COG3: variants seen among roughly 807,000 people sequenced by gnomAD.
COG3 encodes the protein conserved oligomeric Golgi complex subunit 3.
Under a neutral mutation model 114.1 loss-of-function variants are expected in COG3, and 32 were observed. That is an observed-to-expected ratio of 0.28 (90% CI 0.21 to 0.38). The LOEUF is 0.38. Ranked by LOEUF, COG3 falls within the 10% of genes least tolerant of loss-of-function variation. The pLI is 1.00. For synonymous variants in COG3, 352 were observed against 365.7 expected (o/e 0.96, Z 0.43); for missense variants, 813 against 973.2 (o/e 0.84, Z 2.19).
chr13:45,509,191 C>A (rs1422394720), intron 14 of COG3, among the ~76,000 whole-genome samples: 1 of 152,140 alleles, frequency 6.6e-6, no homozygotes, highest in Admixed American at 6.5e-5. Flanking sequence ...AGGCACACGC[C>A]ACCACGCCTG....
intron 4 of COG3, 33 bp downstream of exon 4, chr13:45,480,323 A>G (rs779797162): frequency 1.9e-5 from 26 of 1,398,402 alleles, no homozygotes; most frequent in Middle Eastern, 3.9e-4. Flanking sequence ...ATCAGTCATT[A>G]TATTTAATAT....
intron 1 of COG3, among the ~76,000 whole-genome samples, chr13:45,472,758 C>G (rs1257838534): frequency 5.3e-5 from 8 of 152,184 alleles, no homozygotes; most frequent in African/African-American, 1.7e-4. Flanking sequence ...GTGTGTTACA[C>G]CAGAGCCTTT....
At chr13:45,475,190 A>G (rs1310898945) in intron 1 of COG3, among the ~76,000 whole-genome samples, 1 of 152,048 alleles carries the variant, frequency 6.6e-6, no homozygotes, top group Non-Finnish European at 1.5e-5. Context: ...TTTCTAATCA[A>G]TTCTTGGGTG....
chr13:45,487,649 T>G (rs1593696007), intron 8 of COG3, among the ~76,000 whole-genome samples: 1 of 152,284 alleles, frequency 6.6e-6, no homozygotes, highest in East Asian at 1.9e-4. Context: ...TCAACATCAC[T>G]AATCAGCAGG....
At chr13:45,527,977 A>G (rs770235346) in intron 20 of COG3, among the ~76,000 whole-genome samples, 4 of 152,204 alleles carry the variant, frequency 2.6e-5, no homozygotes, top group Non-Finnish European at 5.9e-5. Context: ...CTGCATTCCC[A>G]GGAGGTTAGG....
At chr13:45,528,545 A>T (rs1201296381) in intron 20 of COG3, among the ~76,000 whole-genome samples, 1 of 152,252 alleles carries the variant, frequency 6.6e-6, no homozygotes, top group Non-Finnish European at 1.5e-5. Flanking sequence ...AAAAGTAATT[A>T]TATTTTCTAC....
intron 1 of COG3, among the ~76,000 whole-genome samples, chr13:45,469,812 A>G (rs922719267): frequency 6.6e-6 from 1 of 152,156 alleles, no homozygotes; most frequent in Non-Finnish European, 1.5e-5. Flanking sequence ...GATGATTTGG[A>G]TTAAAAACAA....
chr13:45,496,730 G>A (rs1347339126), intron 13 of COG3, among the ~76,000 whole-genome samples: 1 of 152,110 alleles, frequency 6.6e-6, no homozygotes, highest in African/African-American at 2.4e-5. Context: ...CTGGAGTACA[G>A]TGGTGTGATC....
Position 45,480,238 on chromosome 13 carries a change from C to A in COG3, c.497C>A (p.Ser166Tyr), listed in dbSNP as rs376780940. The A allele has an allele frequency of 2.0e-5, 33 of 1,613,076 alleles. No individual in the cohort carries two copies. Among genetic ancestry groups the A allele is most frequent in the Non-Finnish European group, 2.6e-5 (31 of 1,179,376 alleles). Residue 166 changes from serine to tyrosine, a missense_variant, in exon 4 of 23, where the codon TCC (serine) becomes TAC (tyrosine). Physicochemically the swap from Ser to Tyr is moderately radical, Grantham distance 144. This residue lies in a region of COG3 where 424 missense variants were observed against 430.6 expected (regional missense o/e 0.98). Transcript: ENST00000349995. ...ESLQKQYLFV[S>Y]NKTGTLHEAC... ...TTGCAGAAACAGTATCTTTTTGTGT[C>A]CAATAAGACAGGAACCCTACATGAA... is the stretch of plus-strand genomic sequence containing the variant.
At chr13:45,532,139 T>G (rs1056674947) in intron 22 of COG3, 1 of 152,192 alleles carries the variant, frequency 6.6e-6, no homozygotes, top group African/African-American at 2.4e-5. Flanking sequence ...GCTTGTTTCA[T>G]TCACCTAGCA....
At chr13:45,511,462 G>A (rs564425552) in intron 15 of COG3, among the ~76,000 whole-genome samples, 2 of 152,334 alleles carry the variant, frequency 1.3e-5, no homozygotes, top group Admixed American at 6.5e-5. Flanking sequence ...TGGAGCGAAG[G>A]CTCCGTGAGG....
intron 10 of COG3, among the ~76,000 whole-genome samples, chr13:45,491,878 T>TA (rs149446693): frequency 2.0e-5 from 3 of 152,258 alleles, no homozygotes; most frequent in Non-Finnish European, 4.4e-5. Context: ...TTTTTTACTA[T>TA]AAAAAATGCA....
At chr13:45,511,658 A>C (rs1195484906) in intron 15 of COG3, 107 bp from the exon 16 acceptor site, 1 of 799,642 alleles carries the variant, frequency 1.3e-6, no homozygotes, top group African/African-American at 1.7e-5. Flanking sequence ...AATTAATCCA[A>C]CCATGAGGGC....
At chr13:45,483,387 GTTA>G (rs758039457) in intron 7 of COG3, 32 bp downstream of exon 7, 13 of 1,497,562 alleles carry the variant, frequency 8.7e-6, no homozygotes, top group African/African-American at 2.8e-5. Context: ...ACAGGTTTTT[GTTA>G]TTGTTGTTGT....
At chr13:45,489,495 T>C (rs1322724784) in intron 8 of COG3, among the ~76,000 whole-genome samples, 2 of 152,124 alleles carry the variant, frequency 1.3e-5, no homozygotes, top group Non-Finnish European at 2.9e-5. Context: ...AGAAAAGGTA[T>C]AGATAAGAGG....
At chr13:45,477,073 C>G (rs954336804) in intron 2 of COG3, among the ~76,000 whole-genome samples, 4 of 152,130 alleles carry the variant, frequency 2.6e-5, no homozygotes, top group African/African-American at 9.7e-5. Flanking sequence ...CTTCTTAGAT[C>G]TTTAGTTTCC....
intron 9 of COG3, 97 bp downstream of exon 9, chr13:45,491,055 C>A: frequency 1.2e-6 from 1 of 825,062 alleles, no homozygotes; most frequent in Non-Finnish European, 2.0e-6. Flanking sequence ...GAGCAATTGC[C>A]TTCCAGCTTG....
At chr13:45,491,762 T>C (rs1484251197) in intron 10 of COG3, among the ~76,000 whole-genome samples, 1 of 152,176 alleles carries the variant, frequency 6.6e-6, no homozygotes, top group African/African-American at 2.4e-5. Context: ...AAATAAATAT[T>C]GTTCTTGAAA....
intron 20 of COG3, among the ~76,000 whole-genome samples, chr13:45,525,798 T>TAGAG (rs60135433): frequency 0.86 from 130,504 of 151,204 alleles, 56,600 homozygotes; most frequent in African/African-American, 0.93. Flanking sequence ...AATATTGTGA[T>TAGAG]AGCCTTTGAA....
Sources: allele counts gnomAD v4.1 joint callset (sites outside exome capture counted in the v4.1 genomes callset), GRCh38; gene constraint gnomAD v4.1.1; regional missense constraint gnomAD v4.1.1; transcripts MANE v1.5; gene names NCBI Gene and HGNC (gene_info 2026-07-23, HGNC 2026-07-21).